The following PLCE1 variants were observed in gnomAD, a reference collection of about 807,000 sequenced individuals.
The protein encoded by PLCE1 is phospholipase C epsilon 1, also known as 1-phosphatidylinositol 4,5-bisphosphate phosphodiesterase epsilon-1.
Under a neutral mutation model 242.8 loss-of-function variants are expected in PLCE1, and 119 were observed. The observed-to-expected ratio is 0.49, with a 90% CI of 0.42 to 0.57. The LOEUF (loss-of-function observed/expected upper bound fraction) is 0.57, where lower values mean the gene tolerates loss of function less well. Among genes scored for constraint, PLCE1 ranks in the 20% least tolerant of loss-of-function variants. PLCE1 has a pLI of 0.00. For missense variants in PLCE1, 2,441 were observed against 2,788.8 expected (o/e 0.88, Z 2.81); for synonymous variants, 945 against 1,017.4 (o/e 0.93, Z 1.35).
intron 29 of PLCE1, among the ~76,000 whole-genome samples, chr10:94,317,015 C>T (rs2053599765): frequency 6.6e-6 from 1 of 152,094 alleles, no homozygotes; most frequent in South Asian, 2.1e-4. Flanking sequence ...TTTTGGGAGG[C>T]CGAGGTGGGT....
intron 29 of PLCE1, among the ~76,000 whole-genome samples, chr10:94,319,943 C>G (rs966889149): frequency 7.0e-6 from 1 of 143,878 alleles, no homozygotes; most frequent in Non-Finnish European, 1.5e-5. Context: ...GATCTCAGCT[C>G]ACTGCAAATT....
chr10:94,254,963 G>T lies in PLCE1; in HGVS notation c.3468G>T (p.Gly1156=), dbSNP rs746777299. 6.2e-7 allele frequency: 1 copy of T among 1,613,998 alleles called. No individual in the cohort carries two copies. Among genetic ancestry groups the T allele is most frequent in the Non-Finnish European group, 8.5e-7 (1 of 1,179,976 alleles). Residue 1156 remains glycine (G), a synonymous_variant, in exon 11 of 33, where the codon GGG becomes GGT. Transcript: ENST00000371380. Reference sequence around the variant, plus strand: ...GAGCCCACTCTTTGACCACAGCTGGGTCCCCCAACTTGGCTGCCGGGACGT... The same window carrying T: ...GAGCCCACTCTTTGACCACAGCTGGTTCCCCCAACTTGGCTGCCGGGACGT... The part of the protein sequence containing the change: ...SRRAHSLTTA[G]SPNLAAGTSS...
intron 2 of PLCE1, among the ~76,000 whole-genome samples, chr10:94,032,494 G>C (rs1170251009): frequency 6.6e-6 from 1 of 152,092 alleles, no homozygotes; most frequent in Non-Finnish European, 1.5e-5. Context: ...GGAGGAATTA[G>C]GGAGATTTCC....
At position 94,132,283 on chromosome 10, in the gene PLCE1, G is replaced by A. The variant is rs1422242968; in HGVS notation, c.1316G>A (p.Gly439Asp). 3 of 1,613,818 alleles carry A rather than the reference G, an allele frequency of 1.9e-6. No homozygotes were observed. The highest frequency in any genetic ancestry group is 2.5e-6 in the Non-Finnish European group (3 of 1,179,954). ...ACAGCCCATGGAAGGATAAGCGTTG[G>A]TCCATGCTTAAAGCAATGTGTCCGA... ...SETAHGRISV[G>D]PCLKQCVRDT... is the part of the protein sequence containing the mutation. The change falls in exon 3 of 33, where the codon GGT becomes GAT. Residue 439 changes from glycine to aspartate, a missense_variant. Physicochemically the swap from Gly to Asp is moderately conservative, Grantham distance 94. Transcript: ENST00000371380.
At chr10:94,312,500 T>C (rs1309932493) in intron 27 of PLCE1, among the ~76,000 whole-genome samples, 1 of 152,248 alleles carries the variant, frequency 6.6e-6, no homozygotes, top group Non-Finnish European at 1.5e-5. Flanking sequence ...GTCTCATTCT[T>C]CATCTGCTAA....
At chr10:94,204,069 T>TA (rs999688922) in intron 4 of PLCE1, among the ~76,000 whole-genome samples, 38 of 148,206 alleles carry the variant, frequency 2.6e-4, no homozygotes, top group South Asian at 4.3e-4. Context: ...TTGCAAAAAA[T>TA]AAAAAAAAAA....
Position 94,031,004 on chromosome 10 carries a change from A to G in PLCE1, c.-43A>G. The G allele has an allele frequency of 6.2e-7, 1 of 1,605,862 alleles. No individual in the cohort carries two copies. The highest frequency in any genetic ancestry group is 1.1e-5 in the South Asian group (1 of 90,874). On this transcript the variant is annotated 5_prime_UTR_variant, in exon 2 of 33. Coordinates refer to ENST00000371380, the MANE Select transcript of PLCE1 (RefSeq NM_016341.4). ...TAAAACCTTGACATGATCACCAGGG[A>G]GGAAAAATAGAGCAATAGTCAAAAC...
intron 2 of PLCE1, among the ~76,000 whole-genome samples, chr10:94,115,440 CTT>C (rs1203489277): frequency 6.6e-6 from 1 of 152,156 alleles, no homozygotes; most frequent in Admixed American, 6.5e-5. Flanking sequence ...TGTTTCCTGA[CTT>C]TTTAATGATG....
At chr10:94,038,644 T>C (rs899116065) in intron 2 of PLCE1, among the ~76,000 whole-genome samples, 1 of 152,188 alleles carries the variant, frequency 6.6e-6, no homozygotes, top group Non-Finnish European at 1.5e-5. Context: ...GCCAGTCCTT[T>C]GAAACACAAT....
At chr10:94,236,391 T>C (rs1589396494) in intron 7 of PLCE1, among the ~76,000 whole-genome samples, 1 of 152,136 alleles carries the variant, frequency 6.6e-6, no homozygotes, top group Non-Finnish European at 1.5e-5. Flanking sequence ...CCTAGAGCTA[T>C]CCTGCCATTT....
chr10:94,087,693 T>C (rs1326960033), intron 2 of PLCE1, among the ~76,000 whole-genome samples: 1 of 152,120 alleles, frequency 6.6e-6, no homozygotes, highest in African/African-American at 2.4e-5. Context: ...TCCTCCCACT[T>C]CGTCCTCCCA....
At chr10:94,214,633 C>G (rs1404235531) in intron 4 of PLCE1, among the ~76,000 whole-genome samples, 1 of 152,200 alleles carries the variant, frequency 6.6e-6, no homozygotes, top group East Asian at 1.9e-4. Context: ...TTCCCTTCCG[C>G]TCTGTCCTTC....
intron 2 of PLCE1, among the ~76,000 whole-genome samples, chr10:94,131,424 A>G (rs1341269459): frequency 1.3e-5 from 2 of 152,268 alleles, no homozygotes; most frequent in Non-Finnish European, 2.9e-5. Flanking sequence ...GTCTATATAC[A>G]TGCACATTGA....
chr10:94,307,870 T>C (rs1463631840), intron 26 of PLCE1, among the ~76,000 whole-genome samples: 3 of 151,842 alleles, frequency 2.0e-5, no homozygotes, highest in African/African-American at 7.2e-5. Flanking sequence ...CCATAACTGT[T>C]ATTATAGAAA....
chr10:94,026,465 C>A (rs1311434590), intron 1 of PLCE1, among the ~76,000 whole-genome samples: 1 of 152,066 alleles, frequency 6.6e-6, no homozygotes, highest in Admixed American at 6.6e-5. Flanking sequence ...CTTTTTCCAT[C>A]TTTTTCTTCT....
intron 1 of PLCE1, among the ~76,000 whole-genome samples, chr10:94,019,542 C>T (rs1455537194): frequency 1.3e-5 from 2 of 152,208 alleles, no homozygotes; most frequent in Admixed American, 6.5e-5. Context: ...TTTAGAGCAG[C>T]ACTGTCCTGT....
intron 22 of PLCE1, among the ~76,000 whole-genome samples, chr10:94,292,394 C>T (rs1281920714): frequency 2.0e-5 from 3 of 152,140 alleles, no homozygotes; most frequent in African/African-American, 7.2e-5. Flanking sequence ...GATTCTCAGA[C>T]TGGGGATCCT....
intron 3 of PLCE1, among the ~76,000 whole-genome samples, chr10:94,149,197 C>A (rs1271924764): frequency 6.6e-6 from 1 of 152,190 alleles, no homozygotes; most frequent in Non-Finnish European, 1.5e-5. Context: ...CTGCTAAACT[C>A]CTCAGTCAGT....
intron 1 of PLCE1, among the ~76,000 whole-genome samples, chr10:94,016,239 A>G (rs113048492): frequency 0.014 from 2,086 of 151,974 alleles, 48 homozygotes; most frequent in African/African-American, 0.043. Flanking sequence ...ATTATTATAT[A>G]TTATTATATT....
Sources: gnomAD v4.1 joint callset for allele counts (sites outside exome capture counted in the v4.1 genomes callset) on GRCh38, gnomAD v4.1.1 for gene constraint, MANE v1.5 for transcripts, NCBI Gene and HGNC (gene_info 2026-07-23, HGNC 2026-07-21) for gene names.